Variants in GCNT1 observed in about 807,000 individuals in gnomAD.
GCNT1 encodes beta-1,3-galactosyl-O-glycosyl-glycoprotein beta-1,6-N-acetylglucosaminyltransferase.
Under a neutral mutation model 26.2 loss-of-function variants are expected in GCNT1, and 16 were observed. The ratio of observed to expected loss-of-function variants is 0.61; its 90% CI spans 0.41 to 0.93. GCNT1 has a LOEUF of 0.93. GCNT1 is among the 40% of genes least tolerant of loss of function. The pLI, the probability that GCNT1 is intolerant of heterozygous loss-of-function variation, is 0.00. For synonymous variants in GCNT1, 183 were observed against 190.8 expected (o/e 0.96, Z 0.34); for missense variants, 477 against 526.7 (o/e 0.91, Z 0.92).
At chr9:76,443,788 G>C (rs1455817044) in intron 1 of GCNT1, among the ~76,000 whole-genome samples, 1 of 152,032 alleles carries the variant, frequency 6.6e-6, no homozygotes, top group Admixed American at 6.6e-5. Context: ...GGCTGAAGCA[G>C]GAGAATCGCT....
At chr9:76,490,912 G>C (rs1197145584) in intron 2 of GCNT1, among the ~76,000 whole-genome samples, 3 of 152,262 alleles carry the variant, frequency 2.0e-5, no homozygotes, top group Non-Finnish European at 2.9e-5. Flanking sequence ...TTTTTGATCA[G>C]AAGGCTGTGA....
chr9:76,454,208 T>G (rs7023916), upstream of GCNT1, among the ~76,000 whole-genome samples: 1,321 of 151,472 alleles, frequency 8.7e-3, 16 homozygotes, highest in African/African-American at 0.03. Flanking sequence ...TGGTGAAAAC[T>G]CGTCTAAAAA....
chr9:76,407,233 A>G, the GCNT1 span, among the ~76,000 whole-genome samples: 3 of 152,174 alleles, frequency 2.0e-5, no homozygotes, highest in Admixed American at 2.0e-4. Context: ...AATTTCTAAA[A>G]TAGGATTTAT....
intron 2 of GCNT1, among the ~76,000 whole-genome samples, chr9:76,479,898 C>T (rs972682894): frequency 6.6e-6 from 1 of 152,088 alleles, no homozygotes; most frequent in African/African-American, 2.4e-5. Context: ...GTTGCCATTG[C>T]TTTTGGTGTT....
At chr9:76,436,638 A>G (rs956308644) in intron 1 of GCNT1, among the ~76,000 whole-genome samples, 4 of 152,060 alleles carry the variant, frequency 2.6e-5, no homozygotes, top group African/African-American at 9.7e-5. Context: ...TAGCATATTA[A>G]AAACTGAAAA....
At chr9:76,450,934 G>A (rs11144906) in intron 1 of GCNT1, among the ~76,000 whole-genome samples, 2,936 of 152,228 alleles carry the variant, frequency 0.019, 32 homozygotes, top group South Asian at 0.029. Context: ...AATGCTGCCT[G>A]CTCTTAAAAG....
chr9:76,474,207 A>T (rs7858497), intron 2 of GCNT1, among the ~76,000 whole-genome samples: 45,836 of 151,944 alleles, frequency 0.3, 7,475 homozygotes, highest in African/African-American at 0.41. Context: ...AAAAATAATT[A>T]TACAGTATAT....
chr9:76,472,131 G>A (rs987131296), intron 2 of GCNT1, among the ~76,000 whole-genome samples: 1 of 152,080 alleles, frequency 6.6e-6, no homozygotes, highest in Non-Finnish European at 1.5e-5. Context: ...AAAAAAAATA[G>A]CCAGGTGTGG....
chr9:76,406,496 C>CAAAA, the GCNT1 span, among the ~76,000 whole-genome samples: 1 of 62,406 alleles, frequency 1.6e-5, no homozygotes, highest in Non-Finnish European at 3.3e-5. Context: ...GACCCTGTCT[C>CAAAA]AAAAAAAAAA....
At chr9:76,405,625 A>G in the GCNT1 span, among the ~76,000 whole-genome samples, 1 of 152,192 alleles carries the variant, frequency 6.6e-6, no homozygotes, top group Admixed American at 6.5e-5. Flanking sequence ...ACAGTGACAC[A>G]TAGTTGGAAT....
intron 1 of GCNT1, among the ~76,000 whole-genome samples, chr9:76,449,265 T>G (rs114880165): frequency 1.2e-3 from 182 of 150,748 alleles, no homozygotes; most frequent in African/African-American, 4.4e-3. Context: ...ACTACCACAC[T>G]CCAGCCTGGG....
chr9:76,486,915 TAAAAC>T (rs1441220305), intron 2 of GCNT1, among the ~76,000 whole-genome samples: 5 of 128,144 alleles, frequency 3.9e-5, no homozygotes, highest in Admixed American at 1.6e-4. Flanking sequence ...CATCTCTACT[TAAAAC>T]AAACAAACAA....
upstream of GCNT1, among the ~76,000 whole-genome samples, chr9:76,458,175 A>ATTTTTT (rs779648273): frequency 8.1e-4 from 62 of 76,216 alleles, 1 homozygote; most frequent in Middle Eastern, 0.013. Context: ...TCTGAGTTGG[A>ATTTTTT]TTTTTTTTTT....
upstream of GCNT1, among the ~76,000 whole-genome samples, chr9:76,437,143 GAA>G (rs933379600): frequency 6.6e-6 from 1 of 151,712 alleles, no homozygotes; most frequent in Admixed American, 6.6e-5. Context: ...AATATATGGG[GAA>G]AAAAAGAGAG....
rs1414932820 is a variant in GCNT1, at chr9:76,502,871, G to A, written c.490G>A (p.Ala164Thr). ...VDTKSEDSYL[A>T]AVMGIASCFS... ...CACAAAATCCGAGGATTCCTATTTA[G>A]CTGCAGTGATGGGCATCGCTTCCTG... Residue 164 changes from alanine (A) to threonine (T), a missense_variant, in exon 4 of 4, where the codon GCT becomes ACT. Ala to Thr is a moderately conservative substitution (Grantham distance 58, BLOSUM62 0). Transcript: ENST00000376730. 5 of 1,614,064 alleles carry A rather than the reference G, an allele frequency of 3.1e-6. No homozygotes were observed. Among genetic ancestry groups the A allele is most frequent in the Non-Finnish European group, 4.2e-6 (5 of 1,180,006 alleles).
At chr9:76,471,801 A>G (rs1443149840) in intron 2 of GCNT1, among the ~76,000 whole-genome samples, 3 of 152,114 alleles carry the variant, frequency 2.0e-5, no homozygotes, top group Admixed American at 1.3e-4. Flanking sequence ...TATGAGGTAG[A>G]TTGGTCATGC....
At chr9:76,425,543 C>T (rs556541538) in intron 1 of GCNT1, among the ~76,000 whole-genome samples, 2 of 152,124 alleles carry the variant, frequency 1.3e-5, no homozygotes, top group South Asian at 2.1e-4. Flanking sequence ...TTTTAAAATA[C>T]GTATTATTTA....
At chr9:76,468,636 T>G (rs2131602128) in intron 2 of GCNT1, among the ~76,000 whole-genome samples, 1 of 152,334 alleles carries the variant, frequency 6.6e-6, no homozygotes, top group East Asian at 1.9e-4. Flanking sequence ...TGTTGCCAGA[T>G]ACGTAAGAGT....
upstream of GCNT1, among the ~76,000 whole-genome samples, chr9:76,439,427 G>T (rs772922892): frequency 3.3e-5 from 5 of 152,078 alleles, no homozygotes; most frequent in Non-Finnish European, 5.9e-5. Context: ...GCTTCGCCAT[G>T]TTGGCCAGGC....
Sources: gnomAD v4.1 joint callset for allele counts (sites outside exome capture counted in the v4.1 genomes callset) on GRCh38, gnomAD v4.1.1 for gene constraint, MANE v1.5 for transcripts, NCBI Gene and HGNC (gene_info 2026-07-23, HGNC 2026-07-21) for gene names.